Variants in CCDC93 observed in about 807,000 individuals in gnomAD.
CCDC93 encodes the protein coiled-coil domain-containing protein 93.
Under a neutral mutation model 108.2 loss-of-function variants are expected in CCDC93, and 61 were observed. That is an observed-to-expected ratio of 0.56 (90% CI 0.46 to 0.70). CCDC93 has a LOEUF of 0.70. Among genes scored for constraint, CCDC93 ranks in the 30% least tolerant of loss-of-function variants. CCDC93 has a pLI of 0.00. For synonymous variants in CCDC93, 276 were observed against 260.4 expected (o/e 1.06, Z -0.58); for missense variants, 685 against 764.2 (o/e 0.90, Z 1.22).
intron 23 of CCDC93, 146 bp downstream of exon 23, chr2:117,930,891 C>G: frequency 1.7e-6 from 1 of 576,102 alleles, no homozygotes; most frequent in Non-Finnish European, 3.1e-6. Flanking sequence ...CTAGACGCCA[C>G]ACTTCACTGC....
chr2:117,967,275 G>A (rs373621599), intron 11 of CCDC93, among the ~76,000 whole-genome samples: 7 of 152,232 alleles, frequency 4.6e-5, no homozygotes, highest in African/African-American at 1.7e-4. Flanking sequence ...TTACAGGCGT[G>A]AGCCACCATG....
intron 12 of CCDC93, among the ~76,000 whole-genome samples, chr2:117,955,237 C>T (rs1288320225): frequency 2.0e-5 from 3 of 151,940 alleles, no homozygotes; most frequent in Non-Finnish European, 4.4e-5. Flanking sequence ...TGATAGAATA[C>T]GTGAAATAAA....
At position 117,920,632 on chromosome 2, in the gene CCDC93, G is replaced by A. The variant is rs77800061; in HGVS notation, c.1843-236C>T. On this transcript the variant is annotated intron_variant, in intron 23 of 23. Transcript: ENST00000376300. ...CTGTCAGACTGAAAATAGGATGAGA[G>A]GATAGGCACTGTCATTCCAAAAGAC... Among the ~76,000 whole-genome samples the A allele has an allele frequency of 3.1e-3, 476 of 152,318 alleles. 5 individuals carry two copies. Among genetic ancestry groups the A allele is most frequent in the African/African-American group, 0.011 (455 of 41,564 alleles).
intron 19 of CCDC93, among the ~76,000 whole-genome samples, chr2:117,939,695 A>G (rs74748005): frequency 0.069 from 10,546 of 152,186 alleles, 513 homozygotes; most frequent in Admixed American, 0.11. Flanking sequence ...ACTGGATGAA[A>G]TCCCAGCCTA....
At chr2:117,924,656 G>C (rs1442134959) in intron 23 of CCDC93, among the ~76,000 whole-genome samples, 1 of 152,208 alleles carries the variant, frequency 6.6e-6, no homozygotes, top group Non-Finnish European at 1.5e-5. Flanking sequence ...CATCTGATTG[G>C]TGTACCTGAA....
In CCDC93 at chr2:117,916,479, A is replaced by T. The variant is rs900808607; in HGVS notation, c.*3864T>A. On this transcript the variant is annotated 3_prime_UTR_variant, in exon 24 of 24. Transcript: ENST00000376300. ...TGTGAAAACTGTTCTCAAACTAAGCATCAAGTAGAGGAAAGGTTCAATCTA... is the reference window on the plus strand; with the variant it reads ...TGTGAAAACTGTTCTCAAACTAAGCTTCAAGTAGAGGAAAGGTTCAATCTA... 6.6e-6 allele frequency: 1 copy of T among 152,242 alleles called. No homozygotes were observed. The highest frequency in any genetic ancestry group is 1.5e-5 in the Non-Finnish European group (1 of 68,042). The allele number at this position is 152,242 out of a possible 1,614,324, so 9.4% of individuals were successfully genotyped here. A position where few individuals can be genotyped will look rare whatever the true frequency, so the allele number is the denominator to read the frequency against.
In CCDC93 at chr2:117,995,436, G is replaced by C; in HGVS notation, c.519+10C>G. 1 of 1,605,904 alleles carries C rather than the reference G, an allele frequency of 6.2e-7. No homozygotes were observed. Among genetic ancestry groups the C allele is most frequent in the Non-Finnish European group, 8.5e-7 (1 of 1,172,510 alleles). Reference sequence around the variant, plus strand: ...GGACTCTGACAGAAGAATACGGCCAGGGGACTTACTGAGAGGTCCACAACT... The same window carrying C: ...GGACTCTGACAGAAGAATACGGCCACGGGACTTACTGAGAGGTCCACAACT... On this transcript the variant is annotated intron_variant, in intron 6 of 23. Transcript: ENST00000376300.
intron 6 of CCDC93, 36 bp downstream of exon 6, chr2:117,995,410 A>C (rs765504746): frequency 3.2e-5 from 49 of 1,517,586 alleles, no homozygotes; most frequent in Non-Finnish European, 4.4e-5. Context: ...GAGGCTACGC[A>C]GGACTCTGAC....
intron 22 of CCDC93, among the ~76,000 whole-genome samples, chr2:117,932,612 G>A (rs1020157904): frequency 6.6e-6 from 1 of 152,176 alleles, no homozygotes; most frequent in Admixed American, 6.5e-5. Flanking sequence ...CCAGTTTGGT[G>A]CCCTCCCTTG....
intron 7 of CCDC93, among the ~76,000 whole-genome samples, chr2:117,985,691 G>C (rs1402710670): frequency 6.6e-6 from 1 of 151,878 alleles, no homozygotes; most frequent in African/African-American, 2.4e-5. Flanking sequence ...TTAACAAACA[G>C]GGGCATGCAG....
intron 3 of CCDC93, among the ~76,000 whole-genome samples, chr2:118,004,589 G>T (rs144540714): frequency 1.3e-5 from 2 of 152,092 alleles, no homozygotes; most frequent in Non-Finnish European, 1.5e-5. Flanking sequence ...ACTCTATGGT[G>T]GGGGGGAACA....
intron 9 of CCDC93, 33 bp from the exon 10 acceptor site, chr2:117,974,933 T>C (rs1679885072): frequency 6.5e-7 from 1 of 1,546,580 alleles, no homozygotes; most frequent in Non-Finnish European, 8.8e-7. Context: ...CAGCAGTGAG[T>C]GGTTCTGAAC....
At chr2:117,996,159 T>G in intron 5 of CCDC93, 105 bp downstream of exon 5, 3 of 657,278 alleles carry the variant, frequency 4.6e-6, no homozygotes, top group African/African-American at 1.8e-5. Flanking sequence ...CAAGTGGGGC[T>G]GAGAATGTAG....
intron 13 of CCDC93, chr2:117,951,783 G>A: frequency 1.4e-6 from 1 of 711,868 alleles, no homozygotes; most frequent in Non-Finnish European, 1.8e-6. Flanking sequence ...GCAATCACAA[G>A]TGGGAAGTGA....
chr2:117,996,167 T>C (rs1228958272), intron 5 of CCDC93, 97 bp downstream of exon 5: 10 of 715,306 alleles, frequency 1.4e-5, no homozygotes, highest in Non-Finnish European at 2.1e-5. Context: ...GCTGAGAATG[T>C]AGGGGAGCCT....
intron 23 of CCDC93, among the ~76,000 whole-genome samples, chr2:117,926,614 G>A (rs986724522): frequency 2.0e-5 from 3 of 152,168 alleles, no homozygotes; most frequent in Admixed American, 6.5e-5. Context: ...CTCTGAAATT[G>A]AGGCAATAAT....
chr2:117,942,238 C>T (rs1473492477), intron 18 of CCDC93, among the ~76,000 whole-genome samples: 1 of 152,216 alleles, frequency 6.6e-6, no homozygotes, highest in Non-Finnish European at 1.5e-5. Flanking sequence ...CAGTCTTTTA[C>T]TGCATCTGTA....
chr2:117,971,513 C>T (rs1311235832), intron 11 of CCDC93, among the ~76,000 whole-genome samples: 2 of 152,224 alleles, frequency 1.3e-5, no homozygotes, highest in African/African-American at 2.4e-5. Context: ...AAGCTATCAA[C>T]AGCTGAAGAG....
In CCDC93 at chr2:117,947,374, T is replaced by C. The variant is rs560496995; in HGVS notation, c.1225-492A>G. Among the ~76,000 whole-genome samples, 14 of 152,238 alleles carry C rather than the reference T, an allele frequency of 9.2e-5. No homozygotes were observed. The East Asian group carries it at 2.7e-3, about 29-fold the overall frequency. ...CTCACACAGAACTTGCCAGGCCTCA[T>C]TTCCTATCTCACACTAGAGTTGCCA... is the stretch of plus-strand genomic sequence containing the variant. On this transcript the variant is annotated intron_variant, in intron 15 of 23. Coordinates refer to ENST00000376300, the MANE Select transcript of CCDC93 (RefSeq NM_019044.5).
Sources: gnomAD v4.1 joint callset for allele counts (sites outside exome capture counted in the v4.1 genomes callset) on GRCh38, gnomAD v4.1.1 for gene constraint, MANE v1.5 for transcripts, NCBI Gene and HGNC (gene_info 2026-07-23, HGNC 2026-07-21) for gene names.